RBFOX1: variants seen among roughly 807,000 people sequenced by gnomAD.
The protein encoded by RBFOX1 is RNA binding fox-1 homolog 1, also known as RNA binding protein fox-1 homolog 1.
In RBFOX1, 8 loss-of-function variants were observed where a neutral mutation model predicts 57.7. That is an observed-to-expected ratio of 0.14 (90% CI 0.08 to 0.25). RBFOX1 has a LOEUF of 0.25. Among genes scored for constraint, RBFOX1 ranks in the 10% least tolerant of loss-of-function variants. The pLI, the probability that RBFOX1 is intolerant of heterozygous loss-of-function variation, is 1.00. For missense variants in RBFOX1, 611 were observed against 548.5 expected (o/e 1.11, Z -1.14); for synonymous variants, 326 against 222.4 (o/e 1.47, Z -4.15).
intron 1 of RBFOX1, among the ~76,000 whole-genome samples, chr16:6,184,174 A>C (rs2152797587): frequency 6.6e-6 from 1 of 152,242 alleles, no homozygotes; most frequent in African/African-American, 2.4e-5. Flanking sequence ...CCCATGATTC[A>C]GTTACCTCCC....
At chr16:7,443,620 T>A (rs1196101514) in intron 4 of RBFOX1, among the ~76,000 whole-genome samples, 1 of 152,198 alleles carries the variant, frequency 6.6e-6, no homozygotes, top group Non-Finnish European at 1.5e-5. Flanking sequence ...GAGTTCAATG[T>A]AATAATGTAA....
chr16:5,616,231 C>T (rs79355197), intron 3 of RBFOX1: 2,431 of 152,528 alleles, frequency 0.016, 51 homozygotes, highest in East Asian at 0.074. Flanking sequence ...CTTCCTGGAA[C>T]CCCAGCACCA....
At chr16:6,633,199 C>T (rs1269641410) in intron 2 of RBFOX1, among the ~76,000 whole-genome samples, 1 of 152,178 alleles carries the variant, frequency 6.6e-6, no homozygotes, top group Non-Finnish European at 1.5e-5. Context: ...GAACTACTTA[C>T]ATCCTCACAT....
chr16:6,840,487 T>A (rs1202950268), intron 3 of RBFOX1, among the ~76,000 whole-genome samples: 2 of 152,004 alleles, frequency 1.3e-5, no homozygotes, highest in Non-Finnish European at 2.9e-5. Flanking sequence ...CCCCCTAAAT[T>A]TGTGTGTTGA....
chr16:6,117,072 T>C (rs1231228142), intron 1 of RBFOX1, among the ~76,000 whole-genome samples: 1 of 152,154 alleles, frequency 6.6e-6, no homozygotes, highest in African/African-American at 2.4e-5. Context: ...TTCATTAAAG[T>C]CTGATGCCCT....
At chr16:6,223,035 A>G (rs947145084) in intron 1 of RBFOX1, among the ~76,000 whole-genome samples, 23 of 149,586 alleles carry the variant, frequency 1.5e-4, no homozygotes, top group Non-Finnish European at 5.9e-5. Flanking sequence ...TGAACTCATC[A>G]TTTTTTATGG....
At chr16:7,504,729 A>ATTTATATT (rs1326549751) in intron 4 of RBFOX1, among the ~76,000 whole-genome samples, 10 of 7,124 alleles carry the variant, frequency 1.4e-3, no homozygotes, top group South Asian at 0.013. Context: ...ATATATATAT[A>ATTTATATT]TATATATATA....
intron 3 of RBFOX1, among the ~76,000 whole-genome samples, chr16:5,641,391 A>G (rs145144994): frequency 5.2e-4 from 79 of 152,366 alleles, no homozygotes; most frequent in Non-Finnish European, 9.8e-4. Flanking sequence ...TACCTGCTGC[A>G]GTGTCCAGTA....
intron 3 of RBFOX1, among the ~76,000 whole-genome samples, chr16:6,778,289 A>G (rs567840271): frequency 6.6e-6 from 1 of 152,286 alleles, no homozygotes; most frequent in South Asian, 2.1e-4. Flanking sequence ...TAACAAACAC[A>G]TGCAAAAGTA....
intron 4 of RBFOX1, among the ~76,000 whole-genome samples, chr16:7,462,392 G>A (rs1314954270): frequency 6.6e-6 from 1 of 152,184 alleles, no homozygotes; most frequent in Non-Finnish European, 1.5e-5. Context: ...CTACTCAGGG[G>A]GCTGAGGAGA....
chr16:6,077,802 G>A (rs1231291639), intron 1 of RBFOX1, among the ~76,000 whole-genome samples: 4 of 151,612 alleles, frequency 2.6e-5, no homozygotes, highest in African/African-American at 9.7e-5. Context: ...CTGCAGCCTC[G>A]ACCTCCTGGC....
chr16:5,631,852 G>C (rs982363131), intron 3 of RBFOX1, among the ~76,000 whole-genome samples: 4 of 152,190 alleles, frequency 2.6e-5, no homozygotes, highest in African/African-American at 9.7e-5. Flanking sequence ...GCCAAAGGCA[G>C]CTCCCATTGT....
intron 4 of RBFOX1, among the ~76,000 whole-genome samples, chr16:7,331,729 A>G (rs1261831018): frequency 1.3e-5 from 2 of 152,160 alleles, no homozygotes; most frequent in Non-Finnish European, 2.9e-5. Context: ...CAGAGAGGCT[A>G]AGTAACTTGT....
chr16:5,814,347 G>T (rs1301779429), intron 3 of RBFOX1, among the ~76,000 whole-genome samples: 1 of 152,182 alleles, frequency 6.6e-6, no homozygotes, highest in African/African-American at 2.4e-5. Context: ...TAATTTATAT[G>T]AAGATCTCTG....
intron 4 of RBFOX1, among the ~76,000 whole-genome samples, chr16:7,235,400 C>A (rs1323307630): frequency 6.6e-6 from 1 of 152,182 alleles, no homozygotes; most frequent in Non-Finnish European, 1.5e-5. Flanking sequence ...AAGTGACCTA[C>A]TGTACTGAAA....
chr16:5,988,109 A>T (rs2060317903), intron 4 of RBFOX1, among the ~76,000 whole-genome samples: 1 of 152,170 alleles, frequency 6.6e-6, no homozygotes, highest in Non-Finnish European at 1.5e-5. Context: ...TTCAGACCCG[A>T]TTCAATTCGC....
chr16:7,234,339 G>C (rs2093659179), intron 4 of RBFOX1, among the ~76,000 whole-genome samples: 1 of 152,090 alleles, frequency 6.6e-6, no homozygotes, highest in Non-Finnish European at 1.5e-5. Flanking sequence ...ACAGTGAGTT[G>C]AGATGAGGAA....
intron 3 of RBFOX1, among the ~76,000 whole-genome samples, chr16:6,897,552 G>C (rs2067246955): frequency 6.6e-6 from 1 of 152,236 alleles, no homozygotes; most frequent in Admixed American, 6.5e-5. Context: ...CCAACACTTT[G>C]GGAGTCCAAG....
At chr16:5,425,128 CAG>C (rs2067517370) in intron 1 of RBFOX1, among the ~76,000 whole-genome samples, 1 of 75,880 alleles carries the variant, frequency 1.3e-5, no homozygotes, top group Non-Finnish European at 3.1e-5. Flanking sequence ...TATCTTGAGA[CAG>C]AGTCTCACTG....
Sources: allele counts gnomAD v4.1 joint callset (sites outside exome capture counted in the v4.1 genomes callset), GRCh38; gene constraint gnomAD v4.1.1; transcripts MANE v1.5; gene names NCBI Gene and HGNC (gene_info 2026-07-23, HGNC 2026-07-21).